CCNY: variants seen among roughly 807,000 people sequenced by gnomAD.
CCNY encodes the protein cyclin-Y.
A neutral mutation model predicts 42.8 loss-of-function variants in CCNY; 19 were observed. The observed-to-expected ratio is 0.44, with a 90% CI of 0.31 to 0.65. The LOEUF is 0.65. Among genes scored for constraint, CCNY ranks in the 30% least tolerant of loss-of-function variants. The probability of loss-of-function intolerance (pLI) is 0.07; values close to 1 mark genes in which losing one functional copy is unlikely to be tolerated. For synonymous variants in CCNY, 165 were observed against 162.7 expected (o/e 1.01, Z -0.11); for missense variants, 370 against 437.3 (o/e 0.85, Z 1.37).
intron 2 of CCNY, among the ~76,000 whole-genome samples, chr10:35,483,945 T>TC (rs1193040259): frequency 6.6e-6 from 1 of 152,136 alleles, no homozygotes; most frequent in Non-Finnish European, 1.5e-5. Flanking sequence ...TCTTTTTTTT[T>TC]CCACCTCTAT....
chr10:35,315,239 C>T (rs1304162253), intron 3 of CCNY: 1 of 152,168 alleles, frequency 6.6e-6, no homozygotes, highest in Non-Finnish European at 1.5e-5. Flanking sequence ...TGGTAGTTAT[C>T]TTTTCTGATC....
intron 1 of CCNY, among the ~76,000 whole-genome samples, chr10:35,377,545 A>G (rs779179637): frequency 2.6e-5 from 4 of 152,218 alleles, no homozygotes; most frequent in Non-Finnish European, 4.4e-5. Context: ...TTGCACAGCA[A>G]CAAAATTACC....
rs564552887 is a variant in CCNY at position 35,417,549 on chromosome 10, T to C, written c.155-65855T>C. Among the ~76,000 whole-genome samples the C allele has an allele frequency of 5.7e-4, 87 of 152,320 alleles. No homozygotes were observed. In the South Asian group the frequency reaches 0.017, roughly 30 times the overall value. ...TTGAGCATGTTTTTCTTTGTTTTAA[T>C]AAAGGGGAAGGTTAAAACAAAACTC... On this transcript the variant is annotated intron_variant, in intron 1 of 9. Coordinates refer to ENST00000374704, the MANE Select transcript of CCNY (RefSeq NM_145012.6).
At chr10:35,294,416 GT>G (rs1210614465) in intron 3 of CCNY, among the ~76,000 whole-genome samples, 1 of 152,236 alleles carries the variant, frequency 6.6e-6, no homozygotes, top group Admixed American at 6.5e-5. Context: ...CATTTATCAG[GT>G]TGAGAAAGTT....
intron 3 of CCNY, among the ~76,000 whole-genome samples, chr10:35,266,493 C>T (rs2095725675): frequency 6.6e-6 from 1 of 151,994 alleles, no homozygotes; most frequent in African/African-American, 2.4e-5. Flanking sequence ...CATTCTCTCT[C>T]TCACGCGTGG....
intron 1 of CCNY, among the ~76,000 whole-genome samples, chr10:35,470,217 T>TTGGAGAGACAGACAGGGAGA: frequency 9.6e-6 from 1 of 104,506 alleles, no homozygotes; most frequent in African/African-American, 3.7e-5. Context: ...AGACAGGGAG[T>TTGGAGAGACAGACAGGGAGA]TGGAGAGACA....
chr10:35,371,256 C>CATTG (rs1343380690), intron 1 of CCNY, among the ~76,000 whole-genome samples: 1 of 152,198 alleles, frequency 6.6e-6, no homozygotes, highest in African/African-American at 2.4e-5. Flanking sequence ...GTGACCTGGA[C>CATTG]ATTGTATCAG....
intron 1 of CCNY, among the ~76,000 whole-genome samples, chr10:35,358,942 G>A (rs1172810005): frequency 7.2e-5 from 11 of 152,202 alleles, no homozygotes; most frequent in Non-Finnish European, 1.6e-4. Flanking sequence ...GTCTCCCGTC[G>A]GCTGCCAGGG....
At chr10:35,328,782 C>G (rs1349482940) in intron 3 of CCNY, among the ~76,000 whole-genome samples, 1 of 152,172 alleles carries the variant, frequency 6.6e-6, no homozygotes, top group East Asian at 1.9e-4. Context: ...GTTAGGTATG[C>G]AAAGCTTTAT....
intron 1 of CCNY, among the ~76,000 whole-genome samples, chr10:35,342,677 G>A (rs1188849143): frequency 6.6e-6 from 1 of 152,158 alleles, no homozygotes; most frequent in Non-Finnish European, 1.5e-5. Context: ...GCCAACAACC[G>A]TGCTAATTAC....
At chr10:35,554,016 A>C (rs1841314046) in intron 8 of CCNY, among the ~76,000 whole-genome samples, 2 of 152,088 alleles carry the variant, frequency 1.3e-5, no homozygotes, top group Admixed American at 1.3e-4. Flanking sequence ...TGTTGCTAAA[A>C]CTTTTCTCAT....
intron 3 of CCNY, among the ~76,000 whole-genome samples, chr10:35,308,704 G>A (rs1835644523): frequency 6.6e-6 from 1 of 152,154 alleles, no homozygotes; most frequent in Non-Finnish European, 1.5e-5. Flanking sequence ...AGACTAATGG[G>A]CTACCGGCAG....
At chr10:35,417,557 A>G (rs1838052745) in intron 1 of CCNY, among the ~76,000 whole-genome samples, 2 of 152,326 alleles carry the variant, frequency 1.3e-5, no homozygotes, top group Admixed American at 1.3e-4. Flanking sequence ...AATAAAGGGG[A>G]AGGTTAAAAC....
intron 3 of CCNY, among the ~76,000 whole-genome samples, chr10:35,318,934 C>T (rs1835791598): frequency 6.6e-6 from 1 of 152,156 alleles, no homozygotes; most frequent in Admixed American, 6.5e-5. Flanking sequence ...AATTAAATTT[C>T]CTTACTACAT....
chr10:35,300,152 G>A (rs1490469802), intron 3 of CCNY, among the ~76,000 whole-genome samples: 1 of 152,174 alleles, frequency 6.6e-6, no homozygotes. Flanking sequence ...CGTTGTGCGT[G>A]AGCCAAAGAT....
chr10:35,267,054 C>T (rs913965067), intron 3 of CCNY, among the ~76,000 whole-genome samples: 1 of 148,310 alleles, frequency 6.7e-6, no homozygotes, highest in Non-Finnish European at 1.5e-5. Context: ...TGCACTCCAG[C>T]CTGGTGGATA....
intron 1 of CCNY, among the ~76,000 whole-genome samples, chr10:35,440,171 C>G (rs923203161): frequency 2.0e-5 from 3 of 152,014 alleles, no homozygotes; most frequent in African/African-American, 7.2e-5. Context: ...TTCTGTCTTG[C>G]TAGACAGGCT....
chr10:35,569,992 CA>C lies in CCNY; in HGVS notation c.*823del, dbSNP rs1348388515. On this transcript the variant is annotated 3_prime_UTR_variant, in exon 10 of 10. Coordinates refer to ENST00000374704, the MANE Select transcript of CCNY (RefSeq NM_145012.6). ...CTGAAGTTGTTGTTACAAAATCAGTCAGACTTTGTGGGCTGAAGGACACGGT... is the reference window on the plus strand; with the variant it reads ...CTGAAGTTGTTGTTACAAAATCAGTCGACTTTGTGGGCTGAAGGACACGGT... 2 of 152,618 alleles carry C rather than the reference CA, an allele frequency of 1.3e-5. No individual in the cohort carries two copies. Among genetic ancestry groups the C allele is most frequent in the East Asian group, 3.8e-4 (2 of 5,314 alleles). The allele number at this position is 152,618 out of a possible 1,614,324, so 9.5% of individuals were successfully genotyped here. A position where few individuals can be genotyped will look rare whatever the true frequency, so the allele number is the denominator to read the frequency against.
At chr10:35,532,052 G>C (rs1415584761) in intron 7 of CCNY, among the ~76,000 whole-genome samples, 3 of 152,258 alleles carry the variant, frequency 2.0e-5, no homozygotes, top group Admixed American at 2.0e-4. Context: ...ATACCAGTTT[G>C]TATGGGGGTC....
Sources: allele counts gnomAD v4.1 joint callset (sites outside exome capture counted in the v4.1 genomes callset), GRCh38; gene constraint gnomAD v4.1.1; transcripts MANE v1.5; gene names NCBI Gene and HGNC (gene_info 2026-07-23, HGNC 2026-07-21).